The following PTPRN2 variants were observed in gnomAD, a reference collection of about 807,000 sequenced individuals.
PTPRN2 encodes receptor-type tyrosine-protein phosphatase N2.
A neutral mutation model predicts 118.8 loss-of-function variants in PTPRN2; 74 were observed. The observed-to-expected ratio is 0.62, with a 90% confidence interval of 0.52 to 0.76. The LOEUF (loss-of-function observed/expected upper bound fraction) is 0.76, where lower values mean the gene tolerates loss of function less well. PTPRN2 is among the 30% of genes least tolerant of loss of function. The pLI, the probability that PTPRN2 is intolerant of heterozygous loss-of-function variation, is 0.00. For synonymous variants in PTPRN2, 641 were observed against 608.0 expected, an observed-to-expected ratio of 1.05 and a Z score of -0.80; for missense variants, 1,481 against 1,394.4, an observed-to-expected ratio of 1.06 and a Z score of -0.99.
rs60416795 is a variant in PTPRN2 at position 157,567,535 on chromosome 7, C to CT, written c.2902+1366dup. ...TTGTTTTATCTTCACATATTTATGT[C>CT]TTTTTTTTTTTAACCAGAAGAAAAT... is the stretch of plus-strand genomic sequence containing the variant. On this transcript the variant is annotated intron_variant, in intron 21 of 22. Transcript: ENST00000389418. Among the ~76,000 whole-genome samples, 319 of 146,216 alleles carry CT rather than the reference C, an allele frequency of 2.2e-3. 1 individual carries two copies. The highest frequency in any genetic ancestry group is 0.015 in the East Asian group (73 of 5,034).
intron 11 of PTPRN2, among the ~76,000 whole-genome samples, chr7:157,938,329 C>T (rs992786179): frequency 6.6e-6 from 1 of 152,226 alleles, no homozygotes; most frequent in African/African-American, 2.4e-5. Context: ...GCTGCACATG[C>T]CTGCAGTGTC....
chr7:157,969,287 C>A (rs1379445224), intron 11 of PTPRN2, among the ~76,000 whole-genome samples: 1 of 152,108 alleles, frequency 6.6e-6, no homozygotes, highest in South Asian at 2.1e-4. Flanking sequence ...TTTCTGTATT[C>A]TTTGTAGAGA....
chr7:157,780,920 C>T lies in PTPRN2; in HGVS notation c.1789-97983G>A, dbSNP rs1029941113. The stretch of plus-strand genomic sequence containing the variant: ...TCCTCAGTGCACACCTGAACTCTCA[C>T]CACCCCCACCGAGGCAGTGGGCAGC... On this transcript the variant is annotated intron_variant, in intron 12 of 22. Transcript: ENST00000389418. The surrounding 1 kb of genome is among the most constrained non-coding windows in gnomAD (Gnocchi z 4.5). 3.9e-5 allele frequency among the ~76,000 whole-genome samples: 6 copies of T among 152,208 alleles called. No individual in the cohort carries two copies. Among genetic ancestry groups the T allele is most frequent in the Admixed American group, 2.0e-4 (3 of 15,282 alleles).
intron 13 of PTPRN2, among the ~76,000 whole-genome samples, chr7:157,680,943 A>C (rs1289542831): frequency 6.6e-6 from 1 of 152,232 alleles, no homozygotes; most frequent in Non-Finnish European, 1.5e-5. Context: ...CTCAGGAGGA[A>C]CAGCAAAAAG....
At chr7:158,136,134 C>G (rs997597843) in intron 8 of PTPRN2, among the ~76,000 whole-genome samples, 1 of 152,220 alleles carries the variant, frequency 6.6e-6, no homozygotes, top group Admixed American at 6.5e-5. Context: ...CGCCTTGGCC[C>G]TGAGCCACAT....
Position 157,990,869 on chromosome 7 carries a change from C to CCG in PTPRN2, c.1723+90428_1723+90429insCG, listed in dbSNP as rs1804199774. 6.6e-6 allele frequency among the ~76,000 whole-genome samples: 1 copy of CCG among 152,146 alleles called. No homozygotes were observed. The highest frequency in any genetic ancestry group is 1.5e-5 in the Non-Finnish European group (1 of 68,014). On this transcript the variant is annotated intron_variant, in intron 11 of 22. Transcript: ENST00000389418. This position sits in a 1 kb window ranked among gnomAD's most constrained non-coding sequence, Gnocchi z 4.3. ...CAGTCCCAGCGCTTACCGAGGAGGA[C>CCG]TGGGGAGGGGGGCCGAGTCTCCAGT...
chr7:158,453,684 C>T (rs1158074378), intron 2 of PTPRN2, among the ~76,000 whole-genome samples: 1 of 152,198 alleles, frequency 6.6e-6, no homozygotes, highest in Middle Eastern at 3.2e-3. Context: ...TTTAAGTGAA[C>T]CATATATATG....
At chr7:158,094,565 C>A (rs551454469) in intron 10 of PTPRN2, among the ~76,000 whole-genome samples, 57 of 152,154 alleles carry the variant, frequency 3.7e-4, no homozygotes, top group Non-Finnish European at 7.3e-4. Flanking sequence ...CCTCGGCCTC[C>A]CAAACTGCTG....
At chr7:158,134,909 A>G (rs1222937704) in intron 8 of PTPRN2, among the ~76,000 whole-genome samples, 5 of 152,210 alleles carry the variant, frequency 3.3e-5, no homozygotes, top group African/African-American at 4.8e-5. Context: ...ACCAGATCAC[A>G]AAAGTCGTGA....
At chr7:158,155,520 C>CCATCACCAACGCCAT (rs1821651302) in intron 6 of PTPRN2, among the ~76,000 whole-genome samples, 1 of 119,552 alleles carries the variant, frequency 8.4e-6, no homozygotes, top group African/African-American at 3.1e-5. Flanking sequence ...GCCATCATCA[C>CCATCACCAACGCCAT]CATCACCATC....
At position 157,618,709 on chromosome 7, in the gene PTPRN2, G is replaced by A. The variant is rs1372962680; in HGVS notation, c.2344+2653C>T. The A allele has an allele frequency of 6.6e-6, 1 of 152,288 alleles. No homozygotes were observed. The highest frequency in any genetic ancestry group is 1.5e-5 in the Non-Finnish European group (1 of 68,062). 9.4% of individuals were successfully genotyped at this position (152,288 alleles called of 1,614,324 possible). ...CTTCCCAAAAGCAAGATGGCCAAGA[G>A]TATGGAGAAGAAAGTAGGTAATACA... On this transcript the variant is annotated intron_variant, in intron 15 of 22. Transcript: ENST00000389418. The surrounding 1 kb of genome is among the most constrained non-coding windows in gnomAD (Gnocchi z 4.2).
At chr7:158,215,927 G>C (rs1478459912) in intron 3 of PTPRN2, among the ~76,000 whole-genome samples, 1 of 152,140 alleles carries the variant, frequency 6.6e-6, no homozygotes, top group Non-Finnish European at 1.5e-5. Flanking sequence ...TGGAGCATCA[G>C]GAAGAATGCA....
intron 2 of PTPRN2, among the ~76,000 whole-genome samples, chr7:158,355,058 C>G (rs2151275376): frequency 6.6e-6 from 1 of 151,982 alleles, no homozygotes; most frequent in Non-Finnish European, 1.5e-5. Context: ...CCCAAGAATA[C>G]TGTATCCAGC....
At chr7:158,190,967 A>G (rs553906041) in intron 5 of PTPRN2, among the ~76,000 whole-genome samples, 34 of 152,366 alleles carry the variant, frequency 2.2e-4, no homozygotes, top group African/African-American at 7.9e-4. Flanking sequence ...ACCACCTGCT[A>G]AGACACAGAA....
intron 11 of PTPRN2, among the ~76,000 whole-genome samples, chr7:157,899,091 G>A (rs1228436913): frequency 6.6e-6 from 1 of 152,234 alleles, no homozygotes; most frequent in Non-Finnish European, 1.5e-5. Context: ...GTTTCTAGCT[G>A]TATAATTACT....
chr7:158,353,682 G>A (rs993022788), intron 2 of PTPRN2, among the ~76,000 whole-genome samples: 15 of 152,248 alleles, frequency 9.9e-5, no homozygotes, highest in African/African-American at 4.8e-5. Flanking sequence ...GAAAAACCCC[G>A]AACAGACAGA....
intron 12 of PTPRN2, among the ~76,000 whole-genome samples, chr7:157,700,915 A>G (rs1306884784): frequency 6.6e-6 from 1 of 152,208 alleles, no homozygotes; most frequent in Non-Finnish European, 1.5e-5. Context: ...TCGAATGCTG[A>G]GTCCCTCACC....
chr7:158,153,352 G>C (rs1288577215), intron 6 of PTPRN2, among the ~76,000 whole-genome samples: 1 of 152,204 alleles, frequency 6.6e-6, no homozygotes, highest in African/African-American at 2.4e-5. Context: ...TGATAAGGAA[G>C]GGGTCTGATT....
At chr7:158,149,837 T>G (rs1306785502) in intron 6 of PTPRN2, among the ~76,000 whole-genome samples, 1 of 151,420 alleles carries the variant, frequency 6.6e-6, no homozygotes, top group East Asian at 1.9e-4. Flanking sequence ...AAGTGATGTC[T>G]CTTGAAAAAA....
Sources: allele counts gnomAD v4.1 joint callset (sites outside exome capture counted in the v4.1 genomes callset), GRCh38; gene constraint gnomAD v4.1.1; non-coding constraint Gnocchi (gnomAD v3.1); transcripts MANE v1.5; gene names NCBI Gene and HGNC (gene_info 2026-07-23, HGNC 2026-07-21).